The following CCNL2 variants were observed in gnomAD, a reference collection of about 807,000 sequenced individuals.
CCNL2 encodes cyclin L2, also known as cyclin-L2.
In CCNL2, 28 loss-of-function variants were observed where a neutral mutation model predicts 59.1. That is an observed-to-expected ratio of 0.47 (90% confidence interval 0.35 to 0.65). CCNL2 has a LOEUF of 0.65. Among genes scored for constraint, CCNL2 ranks in the 30% least tolerant of loss-of-function variants. The probability of loss-of-function intolerance (pLI) is 0.00; values close to 1 mark genes in which losing one functional copy is unlikely to be tolerated. For synonymous variants in CCNL2, 342 were observed against 288.6 expected (o/e 1.19, Z -1.88); for missense variants, 714 against 717.4 (o/e 1.00, Z 0.05).
At position 1,387,431 on chromosome 1, in the gene CCNL2, G is replaced by A. The variant is rs1644512584; in HGVS notation, c.1363C>T (p.Pro455Ser). The A allele has an allele frequency of 6.2e-7, 1 of 1,613,778 alleles. No homozygotes were observed. Among genetic ancestry groups the A allele is most frequent in the Non-Finnish European group, 8.5e-7 (1 of 1,179,982 alleles). Residue 455 changes from proline to serine, a missense_variant, in exon 11 of 11, where the codon CCC becomes TCC. Coordinates refer to ENST00000400809, the MANE Select transcript of CCNL2 (RefSeq NM_030937.6). ...CTCCGAGACTTGTGTGGCTTCTGGGGGTACTTGCAGTCCTTGGACTTCCGG... is the reference window on the plus strand; with the variant it reads ...CTCCGAGACTTGTGTGGCTTCTGGGAGTACTTGCAGTCCTTGGACTTCCGG... ...GSRKSKDCKY[P>S]QKPHKSRSRS...
At chr1:1,396,589 T>C (rs1488125830) in intron 3 of CCNL2, among the ~76,000 whole-genome samples, 1 of 143,460 alleles carries the variant, frequency 7.0e-6, no homozygotes, top group East Asian at 2.1e-4. Flanking sequence ...TTTTTTTTTT[T>C]TTTTTTTTGA....
intron 1 of CCNL2, 157 bp downstream of exon 1, chr1:1,398,859 AGGG>A: frequency 7.7e-7 from 1 of 1,296,574 alleles, no homozygotes; most frequent in South Asian, 1.5e-5. Context: ...GCCCCGGGTC[AGGG>A]GCATGGGCTG....
chr1:1,387,268 T>A lies in CCNL2; in HGVS notation c.1526A>T (p.Glu509Val), dbSNP rs771424119. ...CCTGCTGTGCCCAGGGTGGTCCCGCTCATAGCGACGGCCTGTGCGTTCATA... is the reference window on the plus strand; with the variant it reads ...CCTGCTGTGCCCAGGGTGGTCCCGCACATAGCGACGGCCTGTGCGTTCATA... ...RSYERTGRRY[E>V]RDHPGHSRHR... is the part of the protein sequence containing the mutation. The change falls in exon 11 of 11, where the codon GAG (glutamate) becomes GTG (valine). Residue 509 changes from glutamate to valine, a missense_variant. Physicochemically the swap from Glu to Val is moderately radical, Grantham distance 121. Around this residue, in one of 5 missense-constraint regions of CCNL2, gnomAD observed 403 missense variants for 377.7 expected, o/e 1.07. Coordinates refer to ENST00000400809, the MANE Select transcript of CCNL2 (RefSeq NM_030937.6). 1 of 1,611,194 alleles carries A rather than the reference T, an allele frequency of 6.2e-7. No homozygotes were observed. The highest frequency in any genetic ancestry group is 1.1e-5 in the South Asian group (1 of 91,090).
intron 5 of CCNL2, chr1:1,392,861 C>CTATTAA: frequency 6.4e-7 from 1 of 1,557,676 alleles, no homozygotes; most frequent in Non-Finnish European, 8.8e-7. Flanking sequence ...TTAAACATGT[C>CTATTAA]ATAGCACCAG....
chr1:1,399,141 C>A lies in CCNL2; in HGVS notation c.166G>T (p.Asp56Tyr). Reference sequence around the variant, plus strand: ...GACGGCGTGAAACGGAGCTTGTCGTCAGGCAGGAGGCAGTTCTCCAAGGTG... The same window carrying A: ...GACGGCGTGAAACGGAGCTTGTCGTAAGGCAGGAGGCAGTTCTCCAAGGTG... ...LITLENCLLP[D>Y]DKLRFTPSMS... The change falls in exon 1 of 11, where the codon GAC becomes TAC. Residue 56 changes from aspartate (D) to tyrosine (Y), a missense_variant. Physicochemically the swap from Asp to Tyr is radical, Grantham distance 160. Around this residue, in one of 5 missense-constraint regions of CCNL2, gnomAD observed 270 missense variants for 254.9 expected, o/e 1.06. Coordinates refer to ENST00000400809, the MANE Select transcript of CCNL2 (RefSeq NM_030937.6). The A allele has an allele frequency of 6.2e-7, 1 of 1,612,350 alleles. No individual in the cohort carries two copies. The highest frequency in any genetic ancestry group is 8.5e-7 in the Non-Finnish European group (1 of 1,179,546).
At chr1:1,389,814 C>G (rs552223197) in intron 8 of CCNL2, among the ~76,000 whole-genome samples, 2 of 152,176 alleles carry the variant, frequency 1.3e-5, no homozygotes, top group Non-Finnish European at 2.9e-5. Flanking sequence ...AAAAAATTAG[C>G]CAGGCGTGGT....
chr1:1,395,767 G>A (rs532082241), intron 3 of CCNL2, among the ~76,000 whole-genome samples: 30 of 152,224 alleles, frequency 2.0e-4, no homozygotes, highest in African/African-American at 6.3e-4. Context: ...AGCATAGACC[G>A]AACATAGCAA....
chr1:1,386,997 C>T lies in CCNL2; in HGVS notation c.*234G>A, dbSNP rs958047509. On this transcript the variant is annotated 3_prime_UTR_variant, in exon 11 of 11. Transcript: ENST00000400809. ...CTGCCGAGCTGAGCCCTGCACGGGC[C>T]CAGGTGTGCGCCGCACCCCAGACCG... 8.3e-6 allele frequency: 4 copies of T among 481,922 alleles called. No homozygotes were observed. The East Asian group carries it at 1.3e-4, about 15-fold the overall frequency. 29.9% of individuals were successfully genotyped at this position (481,922 alleles called of 1,614,324 possible).
chr1:1,396,319 T>G (rs1280855261), intron 3 of CCNL2, among the ~76,000 whole-genome samples: 2 of 150,742 alleles, frequency 1.3e-5, no homozygotes, highest in Admixed American at 6.6e-5. Context: ...CAGGCTGGAG[T>G]GCAGTGGCGC....
chr1:1,391,708 C>T (rs769295590), intron 5 of CCNL2: 28 of 458,864 alleles, frequency 6.1e-5, no homozygotes, highest in Non-Finnish European at 9.6e-5. Flanking sequence ...TATAAACATA[C>T]AAAAATTTAC....
intron 4 of CCNL2, among the ~76,000 whole-genome samples, chr1:1,394,458 T>C (rs1380595429): frequency 6.6e-6 from 1 of 151,912 alleles, no homozygotes; most frequent in East Asian, 1.9e-4. Context: ...TGTAGAAAAT[T>C]AACTGTTGAG....
chr1:1,393,002 T>C, intron 5 of CCNL2: 1 of 634,786 alleles, frequency 1.6e-6, no homozygotes, highest in South Asian at 1.9e-5. Context: ...ATTGCTAAAA[T>C]CGGCCCCAGA....
intron 8 of CCNL2, 114 bp from the exon 9 acceptor site, chr1:1,388,179 T>C: frequency 1.3e-6 from 1 of 787,666 alleles, no homozygotes; most frequent in South Asian, 1.6e-5. Context: ...GCAAGCAGAC[T>C]GTAACTTCCG....
chr1:1,390,116 A>T, intron 8 of CCNL2, 114 bp downstream of exon 8: 1 of 588,288 alleles, frequency 1.7e-6, no homozygotes, highest in Non-Finnish European at 2.4e-6. Context: ...CCTGTCTCAA[A>T]AAAAAAAAAA....
intron 5 of CCNL2, chr1:1,392,847 T>C: frequency 6.3e-7 from 1 of 1,593,152 alleles, no homozygotes. Flanking sequence ...AAATAGGTTC[T>C]CTATTAAACA....
intron 4 of CCNL2, 57 bp from the exon 5 acceptor site, chr1:1,393,517 A>G: frequency 6.8e-7 from 1 of 1,460,066 alleles, no homozygotes; most frequent in Non-Finnish European, 9.6e-7. Flanking sequence ...CAGAATTCAG[A>G]TCTTGTGGGT....
intron 1 of CCNL2, 55 bp downstream of exon 1, chr1:1,398,964 G>A (rs986502894): frequency 7.9e-6 from 12 of 1,512,138 alleles, no homozygotes; most frequent in Middle Eastern, 2.2e-4. Flanking sequence ...CGCCAACAAA[G>A]GCGGCTGCCG....
In CCNL2 at chr1:1,387,091, T is replaced by C. The variant is rs1644489050; in HGVS notation, c.*140A>G. ...CCACCAAGGTCCAGTCGACAGACAT[T>C]TCCAAAAAGAATCCTGTTCTAGGAC... On this transcript the variant is annotated 3_prime_UTR_variant, in exon 11 of 11. Transcript: ENST00000400809. 1 of 639,346 alleles carries C rather than the reference T, an allele frequency of 1.6e-6. No homozygotes were observed. Among genetic ancestry groups the C allele is most frequent in the Non-Finnish European group, 2.6e-6 (1 of 377,514 alleles). 39.6% of individuals were successfully genotyped at this position (639,346 alleles called of 1,614,324 possible). A position where few individuals can be genotyped will look rare whatever the true frequency, so the allele number is the denominator to read the frequency against.
At chr1:1,393,106 T>C in intron 5 of CCNL2, 1 of 582,164 alleles carries the variant, frequency 1.7e-6, no homozygotes, top group South Asian at 2.1e-5. Flanking sequence ...CAGGAAAAGG[T>C]CCCCCTGCGC....
Sources: gnomAD v4.1 joint callset for allele counts (sites outside exome capture counted in the v4.1 genomes callset) on GRCh38, gnomAD v4.1.1 for gene constraint, gnomAD v4.1.1 regional missense constraint, MANE v1.5 for transcripts, NCBI Gene and HGNC (gene_info 2026-07-23, HGNC 2026-07-21) for gene names.